The following FOCAD variants were observed in gnomAD, a reference collection of about 807,000 sequenced individuals.
FOCAD encodes KIAA1797.
Under a neutral mutation model 225.6 loss-of-function variants are expected in FOCAD, and 198 were observed. That is an observed-to-expected ratio of 0.88 (90% CI 0.78 to 0.99). The LOEUF is 0.99. Ranked by LOEUF, FOCAD falls within the 50% of genes least tolerant of loss-of-function variation. The pLI, the probability that FOCAD is intolerant of heterozygous loss-of-function variation, is 0.00. For synonymous variants in FOCAD, 897 were observed against 755.0 expected (o/e 1.19, Z -3.08); for missense variants, 2,713 against 2,123.6 (o/e 1.28, Z -5.46).
At chr9:20,864,013 A>T (rs186101907) in intron 16 of FOCAD, among the ~76,000 whole-genome samples, 19 of 151,926 alleles carry the variant, frequency 1.3e-4, no homozygotes, top group African/African-American at 4.3e-4. Flanking sequence ...TCTGTTGTTC[A>T]GACGGACTGC....
At chr9:20,959,766 C>T (rs1050312979) in intron 35 of FOCAD, among the ~76,000 whole-genome samples, 1 of 152,020 alleles carries the variant, frequency 6.6e-6, no homozygotes, top group African/African-American at 2.4e-5. Flanking sequence ...TCCAGTTTTC[C>T]TAGCATCATA....
chr9:20,729,649 G>A (rs192241471), intron 4 of FOCAD, among the ~76,000 whole-genome samples: 1 of 152,280 alleles, frequency 6.6e-6, no homozygotes, highest in Admixed American at 6.5e-5. Flanking sequence ...TGCAGAGGGT[G>A]TGGTAATTTC....
intron 1 of FOCAD, among the ~76,000 whole-genome samples, chr9:20,702,450 A>G (rs1824036341): frequency 6.6e-6 from 1 of 152,162 alleles, no homozygotes; most frequent in South Asian, 2.1e-4. Flanking sequence ...TCTATACTTT[A>G]TTAAAGAGTG....
At chr9:20,687,227 G>A (rs1389604885) in intron 1 of FOCAD, among the ~76,000 whole-genome samples, 5 of 152,156 alleles carry the variant, frequency 3.3e-5, no homozygotes, top group Non-Finnish European at 7.3e-5. Context: ...TGCATAGATA[G>A]TCAGTTTATT....
At chr9:20,669,160 A>G (rs1254878497) in intron 2 of FOCAD, among the ~76,000 whole-genome samples, 1 of 152,104 alleles carries the variant, frequency 6.6e-6, no homozygotes, top group Non-Finnish European at 1.5e-5. Flanking sequence ...AAGGCAAGTG[A>G]GGTCCTAGGG....
intron 28 of FOCAD, among the ~76,000 whole-genome samples, chr9:20,933,571 ATGTG>A (rs377115971): frequency 1.3e-5 from 2 of 150,742 alleles, no homozygotes; most frequent in African/African-American, 4.9e-5. Context: ...GTGTGTGTGT[ATGTG>A]TGTGTGTGTG....
chr9:20,901,385 T>A (rs1442754428), intron 21 of FOCAD, among the ~76,000 whole-genome samples: 1 of 151,892 alleles, frequency 6.6e-6, no homozygotes, highest in Non-Finnish European at 1.5e-5. Flanking sequence ...CAGCAAATAC[T>A]TAGTTTACTT....
At chr9:20,958,130 A>G (rs1838369320) in intron 35 of FOCAD, among the ~76,000 whole-genome samples, 1 of 152,222 alleles carries the variant, frequency 6.6e-6, no homozygotes, top group South Asian at 2.1e-4. Context: ...GGAGAAAATA[A>G]TTGACTGTTT....
intron 43 of FOCAD, among the ~76,000 whole-genome samples, chr9:20,993,856 T>C (rs1371902902): frequency 6.6e-6 from 1 of 152,198 alleles, no homozygotes; most frequent in Non-Finnish European, 1.5e-5. Context: ...TTTAAATGGT[T>C]TTAAAATGTT....
chr9:20,911,186 A>G (rs1281863107), intron 22 of FOCAD, among the ~76,000 whole-genome samples: 1 of 152,132 alleles, frequency 6.6e-6, no homozygotes, highest in African/African-American at 2.4e-5. Context: ...TTTCCAAGAA[A>G]CAAAGGGGAG....
intron 11 of FOCAD, among the ~76,000 whole-genome samples, chr9:20,813,443 A>G (rs1823305538): frequency 6.6e-6 from 1 of 152,144 alleles, no homozygotes; most frequent in South Asian, 2.1e-4. Flanking sequence ...TGTTACCCAT[A>G]GTGGCCACAC....
intron 11 of FOCAD, among the ~76,000 whole-genome samples, chr9:20,809,109 C>T (rs986729546): frequency 6.6e-6 from 1 of 152,162 alleles, no homozygotes; most frequent in African/African-American, 2.4e-5. Context: ...AGATCTAACT[C>T]ATGGTTTTTG....
chr9:20,860,924 T>C (rs1048312036), intron 15 of FOCAD, among the ~76,000 whole-genome samples: 5 of 152,242 alleles, frequency 3.3e-5, no homozygotes, highest in African/African-American at 1.2e-4. Flanking sequence ...ATTCTAAGTA[T>C]GCTGTGATCT....
At chr9:20,849,749 A>G (rs1236895547) in intron 15 of FOCAD, among the ~76,000 whole-genome samples, 2 of 151,922 alleles carry the variant, frequency 1.3e-5, no homozygotes, top group East Asian at 3.9e-4. Flanking sequence ...CTTCAACTTC[A>G]CTATGTACTC....
chr9:20,722,776 A>G (rs918059988), intron 4 of FOCAD, among the ~76,000 whole-genome samples: 2 of 152,266 alleles, frequency 1.3e-5, no homozygotes, highest in South Asian at 2.1e-4. Flanking sequence ...TTATTGGTTG[A>G]TCTTGTGCAA....
intron 19 of FOCAD, 95 bp downstream of exon 19, chr9:20,874,902 C>T (rs1323739680): frequency 1.4e-6 from 2 of 1,451,652 alleles, no homozygotes; most frequent in Admixed American, 1.9e-5. Flanking sequence ...TATAGTTTAA[C>T]CTTATGTGCT....
At chr9:20,879,438 G>T (rs1200717016) in intron 19 of FOCAD, among the ~76,000 whole-genome samples, 1 of 152,192 alleles carries the variant, frequency 6.6e-6, no homozygotes, top group East Asian at 1.9e-4. Context: ...GTGTGGGACT[G>T]TGTCTTTTGG....
intron 37 of FOCAD, among the ~76,000 whole-genome samples, chr9:20,979,088 A>T (rs1249577109): frequency 1.3e-5 from 2 of 152,236 alleles, no homozygotes; most frequent in Non-Finnish European, 2.9e-5. Flanking sequence ...AGGGCAAGAG[A>T]GTTTAAAGAT....
At chr9:20,777,682 G>C (rs111853515) in intron 8 of FOCAD, among the ~76,000 whole-genome samples, 2,178 of 152,216 alleles carry the variant, frequency 0.014, 50 homozygotes, top group African/African-American at 0.05. Flanking sequence ...TTTGTTTAGT[G>C]TAATTCATTA....
Sources: gnomAD v4.1 joint callset for allele counts (sites outside exome capture counted in the v4.1 genomes callset) on GRCh38, gnomAD v4.1.1 for gene constraint, MANE v1.5 for transcripts, NCBI Gene and HGNC (gene_info 2026-07-23, HGNC 2026-07-21) for gene names.